UPRT: variants seen among roughly 807,000 people sequenced by gnomAD.
UPRT encodes the protein RP11-311P8.3.
In UPRT, 5 loss-of-function variants were observed where a neutral mutation model predicts 22.6. The observed-to-expected ratio is 0.22, with a 90% CI of 0.12 to 0.47. The LOEUF is 0.47. Among genes scored for constraint, UPRT ranks in the 20% least tolerant of loss-of-function variants. The pLI is 0.99. For synonymous variants in UPRT, 77 were observed against 87.7 expected (o/e 0.88, Z 0.68); for missense variants, 181 against 239.9 (o/e 0.75, Z 1.62).
chrX:75,272,495 C>T (rs1204121981), upstream of UPRT, among the ~76,000 whole-genome samples: 1 of 107,163 alleles, frequency 9.3e-6, no homozygotes, highest in Non-Finnish European at 1.9e-5. Flanking sequence ...GAAAACCAAA[C>T]ATTGTATGTT....
At chrX:75,217,925 A>G (rs2082398092) in intron 4 of UPRT, among the ~76,000 whole-genome samples, 1 of 112,079 alleles carries the variant, frequency 8.9e-6, no homozygotes, top group Non-Finnish European at 1.9e-5. Flanking sequence ...ATCTAAAACC[A>G]TAAAAACCCT....
At chrX:75,191,252 C>G (rs1406929660) in intron 4 of UPRT, among the ~76,000 whole-genome samples, 1 of 112,408 alleles carries the variant, frequency 8.9e-6, no homozygotes, top group African/African-American at 3.2e-5. Flanking sequence ...ACTCCAGACC[C>G]TGTTTGCCTG....
intron 4 of UPRT, among the ~76,000 whole-genome samples, chrX:75,260,964 C>A (rs1220312464): frequency 8.9e-6 from 1 of 112,167 alleles, no homozygotes; most frequent in African/African-American, 3.2e-5. Context: ...CAAAACTGCA[C>A]AACTACATGG....
At chrX:75,233,524 G>T (rs190463161) in intron 4 of UPRT, among the ~76,000 whole-genome samples, 48 of 110,049 alleles carry the variant, frequency 4.4e-4, no homozygotes, top group African/African-American at 1.5e-3. Flanking sequence ...AAATGTGAAG[G>T]GCAGCCAGAG....
intron 4 of UPRT, among the ~76,000 whole-genome samples, chrX:75,239,799 G>A (rs1330917352): frequency 1.8e-5 from 2 of 111,335 alleles, no homozygotes; most frequent in Non-Finnish European, 3.8e-5. Flanking sequence ...TTTAACATAT[G>A]CAAGTCAATA....
intron 4 of UPRT, among the ~76,000 whole-genome samples, chrX:75,252,485 C>A (rs1202082978): frequency 8.9e-6 from 1 of 112,472 alleles, no homozygotes; most frequent in Non-Finnish European, 1.9e-5. Context: ...ATCAAAACCA[C>A]AATGAGATAC....
chrX:75,205,980 T>C (rs2082365247), intron 4 of UPRT, among the ~76,000 whole-genome samples: 1 of 111,715 alleles, frequency 9.0e-6, no homozygotes, highest in Non-Finnish European at 1.9e-5. Flanking sequence ...CATGTTAACC[T>C]CTAAGGAGAG....
intron 4 of UPRT, among the ~76,000 whole-genome samples, chrX:75,200,288 T>C (rs189516288): frequency 2.6e-4 from 29 of 112,642 alleles, no homozygotes; most frequent in South Asian, 1.5e-3. Context: ...AAGGTACATA[T>C]TGCTGTCAGA....
chrX:75,233,495 A>T (rs2082447451), intron 4 of UPRT, among the ~76,000 whole-genome samples: 1 of 110,389 alleles, frequency 9.1e-6, no homozygotes, highest in Admixed American at 9.7e-5. Flanking sequence ...CAGATTCACC[A>T]AAGTTGAAAT....
chrX:75,258,875 G>T (rs2082558429), intron 4 of UPRT, among the ~76,000 whole-genome samples: 1 of 111,544 alleles, frequency 9.0e-6, no homozygotes, highest in Non-Finnish European at 1.9e-5. Context: ...GAGAGCTCTG[G>T]CTGACATCTG....
chrX:75,263,266 A>G (rs778426659), intron 4 of UPRT, among the ~76,000 whole-genome samples: 2 of 111,517 alleles, frequency 1.8e-5, no homozygotes, highest in East Asian at 2.8e-4. Context: ...CTCTTGTTCT[A>G]TTGATTGGAA....
At chrX:75,162,440 C>T (rs1055818804) in intron 2 of UPRT, among the ~76,000 whole-genome samples, 3 of 111,735 alleles carry the variant, frequency 2.7e-5, no homozygotes, top group African/African-American at 9.7e-5. Flanking sequence ...TCAGAACTCA[C>T]TTCAAAGTTT....
intron 4 of UPRT, among the ~76,000 whole-genome samples, chrX:75,186,328 A>G (rs373288273): frequency 3.6e-5 from 4 of 111,574 alleles, no homozygotes; most frequent in African/African-American, 1.3e-4. Flanking sequence ...GTAGTTGAGC[A>G]GTTTTGAGTG....
At chrX:75,165,997 C>T (rs752610819) in intron 3 of UPRT, among the ~76,000 whole-genome samples, 2 of 111,776 alleles carry the variant, frequency 1.8e-5, no homozygotes, top group East Asian at 5.6e-4. Context: ...AGATTATTAG[C>T]AAGATCGGGG....
rs1394482955 is a variant in UPRT, at chrX:75,198,638, A to G, written c.-447+30759A>G. On this transcript the variant is annotated intron_variant, in intron 4 of 13. Coordinates refer to the UPRT transcript ENST00000652605. ...AACTGGTAGCACTTTTGATAGAGAAAAATTGATAAACTAGAAGATAAACCT... is the reference window on the plus strand; with the variant it reads ...AACTGGTAGCACTTTTGATAGAGAAGAATTGATAAACTAGAAGATAAACCT... 2.7e-5 allele frequency among the ~76,000 whole-genome samples: 3 copies of G among 112,096 alleles called. No homozygotes were observed. In the East Asian group the frequency reaches 8.4e-4, roughly 31 times the overall value.
intron 4 of UPRT, among the ~76,000 whole-genome samples, chrX:75,184,938 A>T (rs966817090): frequency 9.0e-5 from 10 of 111,031 alleles, no homozygotes; most frequent in South Asian, 3.9e-4. Flanking sequence ...AATGGGGTTT[A>T]CTAGATATAC....
At chrX:75,262,266 C>T (rs1271801709) in intron 4 of UPRT, among the ~76,000 whole-genome samples, 5 of 111,624 alleles carry the variant, frequency 4.5e-5, no homozygotes, top group Non-Finnish European at 9.4e-5. Context: ...ACTTGCCTTA[C>T]AAGAGCTCCT....
chrX:75,277,296 G>T (rs781653932), intron 1 of UPRT, among the ~76,000 whole-genome samples: 2 of 111,061 alleles, frequency 1.8e-5, no homozygotes, highest in South Asian at 3.8e-4. Flanking sequence ...TTGCTATAGC[G>T]CTTGGAGAGG....
At chrX:75,205,383 CAAAAAAAAAAA>C (rs55819232) in intron 4 of UPRT, among the ~76,000 whole-genome samples, 11 of 38,147 alleles carry the variant, frequency 2.9e-4, no homozygotes, top group East Asian at 9.7e-4. Flanking sequence ...GACTCCGTCT[CAAAAAAAAAAA>C]AAAAAAAAAA....
Sources: allele counts gnomAD v4.1 joint callset (sites outside exome capture counted in the v4.1 genomes callset), GRCh38; gene constraint gnomAD v4.1.1; transcripts MANE v1.5; gene names NCBI Gene and HGNC (gene_info 2026-07-23, HGNC 2026-07-21).